Variants in NDST4 observed in about 807,000 individuals in gnomAD.
NDST4 encodes N-heparan sulfate sulfotransferase 4.
A neutral mutation model predicts 100.8 loss-of-function variants in NDST4; 63 were observed. The observed-to-expected ratio is 0.62, with a 90% CI of 0.51 to 0.77. The LOEUF (loss-of-function observed/expected upper bound fraction) is 0.77. NDST4 is among the 30% of genes least tolerant of loss of function. The pLI, the probability that NDST4 is intolerant of heterozygous loss-of-function variation, is 0.00. For synonymous variants in NDST4, 377 were observed against 361.8 expected, an observed-to-expected ratio of 1.04 and a Z score of -0.48; for missense variants, 943 against 1,018.4, an observed-to-expected ratio of 0.93 and a Z score of 1.01.
At chr4:114,960,855 G>C (rs1434824216) in intron 4 of NDST4, among the ~76,000 whole-genome samples, 1 of 152,002 alleles carries the variant, frequency 6.6e-6, no homozygotes, top group Non-Finnish European at 1.5e-5. Flanking sequence ...AGTTTGTGTA[G>C]AAACCTATAA....
At chr4:115,042,730 T>G (rs2126274920) in intron 2 of NDST4, among the ~76,000 whole-genome samples, 1 of 152,180 alleles carries the variant, frequency 6.6e-6, no homozygotes, top group South Asian at 2.1e-4. Context: ...ACTACTGCAC[T>G]CATTATATAC....
intron 2 of NDST4, among the ~76,000 whole-genome samples, chr4:114,997,874 T>C (rs924812876): frequency 1.3e-5 from 2 of 152,044 alleles, no homozygotes; most frequent in African/African-American, 4.8e-5. Context: ...AGACAAATAA[T>C]TCCCCCTGGT....
At chr4:114,989,272 T>C (rs1726984600) in intron 2 of NDST4, among the ~76,000 whole-genome samples, 1 of 152,188 alleles carries the variant, frequency 6.6e-6, no homozygotes, top group African/African-American at 2.4e-5. Flanking sequence ...AGAAACAGTA[T>C]AATTATTTTC....
At chr4:114,901,970 T>C (rs1305086927) in intron 6 of NDST4, among the ~76,000 whole-genome samples, 1 of 152,010 alleles carries the variant, frequency 6.6e-6, no homozygotes, top group East Asian at 1.9e-4. Context: ...TCCTAATTTC[T>C]CCTTCCAATG....
intron 2 of NDST4, among the ~76,000 whole-genome samples, chr4:115,057,714 A>G (rs1224631729): frequency 1.7e-5 from 2 of 115,700 alleles, no homozygotes; most frequent in African/African-American, 8.1e-5. Context: ...ACACACACAC[A>G]CACACACACA....
chr4:114,926,928 T>C (rs1247293610), intron 6 of NDST4, among the ~76,000 whole-genome samples: 1 of 152,062 alleles, frequency 6.6e-6, no homozygotes, highest in African/African-American at 2.4e-5. Flanking sequence ...TTCCAGCTTT[T>C]ATTAATCTCA....
At chr4:115,019,065 C>A (rs1349019660) in intron 2 of NDST4, among the ~76,000 whole-genome samples, 1 of 151,880 alleles carries the variant, frequency 6.6e-6, no homozygotes, top group Admixed American at 6.6e-5. Flanking sequence ...TTCATTTAAC[C>A]AGCCTAATTC....
chr4:115,050,686 T>G (rs1260804912), intron 2 of NDST4, among the ~76,000 whole-genome samples: 1 of 152,120 alleles, frequency 6.6e-6, no homozygotes, highest in Admixed American at 6.6e-5. Flanking sequence ...TGTTCATGAA[T>G]CTTAGCAGGT....
chr4:115,010,793 A>G (rs752613034), intron 2 of NDST4, among the ~76,000 whole-genome samples: 8 of 152,112 alleles, frequency 5.3e-5, no homozygotes, highest in Non-Finnish European at 1.2e-4. Context: ...ATCACCAGAT[A>G]TATTCTTGCT....
intron 2 of NDST4, among the ~76,000 whole-genome samples, chr4:115,063,410 T>G (rs1426367442): frequency 6.6e-6 from 1 of 151,992 alleles, no homozygotes; most frequent in East Asian, 1.9e-4. Context: ...AATGAAAATA[T>G]ATTCTAGCTT....
intron 6 of NDST4, among the ~76,000 whole-genome samples, chr4:114,882,685 G>A (rs1724395911): frequency 6.6e-6 from 1 of 151,968 alleles, no homozygotes; most frequent in African/African-American, 2.4e-5. Context: ...AAAGAGAGTG[G>A]TGCAGAAGAA....
At chr4:114,960,614 G>C (rs1256901392) in intron 4 of NDST4, among the ~76,000 whole-genome samples, 1 of 152,168 alleles carries the variant, frequency 6.6e-6, no homozygotes, top group East Asian at 1.9e-4. Flanking sequence ...ATTTATGGAA[G>C]ACGGTATATA....
intron 1 of NDST4, among the ~76,000 whole-genome samples, chr4:115,106,774 C>T (rs1310106188): frequency 1.3e-5 from 2 of 152,082 alleles, no homozygotes; most frequent in African/African-American, 2.4e-5. Flanking sequence ...TTCCAGCCAA[C>T]TGGGTGATGT....
intron 10 of NDST4, among the ~76,000 whole-genome samples, chr4:114,842,981 C>CACT (rs10651752): frequency 0.28 from 42,921 of 151,510 alleles, 8,344 homozygotes; most frequent in African/African-American, 0.56. Flanking sequence ...TGCTTATGGT[C>CACT]ACTATTTCAA....
chr4:115,015,018 C>T (rs1406539992), intron 2 of NDST4, among the ~76,000 whole-genome samples: 1 of 152,034 alleles, frequency 6.6e-6, no homozygotes, highest in Non-Finnish European at 1.5e-5. Flanking sequence ...CCTCACAATA[C>T]ATTTGAACTG....
At chr4:114,964,832 TA>T (rs1276724717) in intron 4 of NDST4, among the ~76,000 whole-genome samples, 2 of 152,182 alleles carry the variant, frequency 1.3e-5, no homozygotes, top group African/African-American at 2.4e-5. Context: ...AGATACCTTA[TA>T]TAAGTGGAAT....
intron 3 of NDST4, among the ~76,000 whole-genome samples, chr4:114,974,282 C>CAA (rs200381782): frequency 7.0e-6 from 1 of 143,600 alleles, no homozygotes; most frequent in African/African-American, 2.7e-5. Flanking sequence ...GCAACATATG[C>CAA]AAAAAACAAA....
intron 6 of NDST4, among the ~76,000 whole-genome samples, chr4:114,916,890 ATTTT>A (rs1010401884): frequency 6.7e-6 from 1 of 148,960 alleles, no homozygotes; most frequent in East Asian, 2.2e-4. Flanking sequence ...CGTACCCTTA[ATTTT>A]TTTTATTTCT....
chr4:114,867,664 G>GAAAAAA (rs1491405935), intron 7 of NDST4, among the ~76,000 whole-genome samples: 2 of 26,098 alleles, frequency 7.7e-5, no homozygotes, highest in African/African-American at 9.9e-5. Context: ...AAAAAAAAAA[G>GAAAAAA]CAAAAAAAAA....
Sources: allele counts gnomAD v4.1 joint callset (sites outside exome capture counted in the v4.1 genomes callset), GRCh38; gene constraint gnomAD v4.1.1; transcripts MANE v1.5; gene names NCBI Gene and HGNC (gene_info 2026-07-23, HGNC 2026-07-21).